The following DOCK8 variants were observed in gnomAD, a reference collection of about 807,000 sequenced individuals.
DOCK8 encodes the protein dedicator of cytokinesis 8, also known as dedicator of cytokinesis protein 8.
A neutral mutation model predicts 245.6 loss-of-function variants in DOCK8; 141 were observed. The observed-to-expected ratio is 0.57, with a 90% CI of 0.50 to 0.66. The LOEUF is 0.66. Among genes scored for constraint, DOCK8 ranks in the 30% least tolerant of loss-of-function variants. The probability of loss-of-function intolerance (pLI) is 0.00; values close to 1 mark genes in which losing one functional copy is unlikely to be tolerated. For missense variants in DOCK8, 2,965 were observed against 2,603.4 expected (o/e 1.14, Z -3.02); for synonymous variants, 1,168 against 970.2 (o/e 1.20, Z -3.79).
intron 23 of DOCK8, among the ~76,000 whole-genome samples, chr9:388,153 G>T (rs1368743143): frequency 1.3e-5 from 2 of 152,146 alleles, no homozygotes; most frequent in African/African-American, 4.8e-5. Context: ...GAAGCTGGGG[G>T]AGCATGTCTT....
chr9:434,947 A>G lies in DOCK8; in HGVS notation c.5051A>G (p.Tyr1684Cys). The change falls in exon 39 of 48, where the codon TAC becomes TGC. Residue 1684 changes from tyrosine to cysteine, a missense_variant. Transcript: ENST00000432829. ...CTGAGCATGCTGGAGGACCACAGCT[A>G]CCTGCCCGTGGGCAGTGTCAGCTTC... ...EYLSMLEDHS[Y>C]LPVGSVSFQN... 6.2e-7 allele frequency: 1 copy of G among 1,613,206 alleles called. No homozygotes were observed. The highest frequency in any genetic ancestry group is 8.5e-7 in the Non-Finnish European group (1 of 1,180,032).
At chr9:271,915 AG>A (rs988709691) in intron 2 of DOCK8, among the ~76,000 whole-genome samples, 186 bp downstream of exon 2, 12 of 152,260 alleles carry the variant, frequency 7.9e-5, no homozygotes, top group Middle Eastern at 3.4e-3. Flanking sequence ...ACCGGTACTT[AG>A]GGTACATAAT....
intron 2 of DOCK8, among the ~76,000 whole-genome samples, chr9:283,902 GA>G (rs1482482073): frequency 6.6e-6 from 1 of 152,122 alleles, no homozygotes; most frequent in Non-Finnish European, 1.5e-5. Context: ...GACATGATAT[GA>G]AAAATTCAAA....
intron 1 of DOCK8, among the ~76,000 whole-genome samples, chr9:245,706 C>T (rs10965932): frequency 0.062 from 9,496 of 152,228 alleles, 323 homozygotes; most frequent in African/African-American, 0.078. Context: ...AAAAAACTAA[C>T]ATGTTGAAGC....
chr9:264,083 T>G (rs1287411302), intron 1 of DOCK8, among the ~76,000 whole-genome samples: 1 of 152,240 alleles, frequency 6.6e-6, no homozygotes, highest in African/African-American at 2.4e-5. Flanking sequence ...TGTTACTTTA[T>G]GACTCAACAC....
intron 26 of DOCK8, among the ~76,000 whole-genome samples, chr9:400,776 CCACCACCTCCACCAT>C (rs2054937524): frequency 4.8e-5 from 6 of 125,210 alleles, no homozygotes; most frequent in Non-Finnish European, 8.6e-5. Context: ...TCCACCACCA[CCACCACCTCCACCAT>C]CACCACCACC....
chr9:424,960 A>G (rs2131674244), intron 33 of DOCK8, among the ~76,000 whole-genome samples: 1 of 152,350 alleles, frequency 6.6e-6, no homozygotes, highest in South Asian at 2.1e-4. Flanking sequence ...TCAAATTGAG[A>G]TAATAAATCA....
chr9:244,570 T>C (rs1587652129), intron 1 of DOCK8, among the ~76,000 whole-genome samples: 2 of 152,300 alleles, frequency 1.3e-5, no homozygotes, highest in East Asian at 3.9e-4. Flanking sequence ...TTCTGTAAAC[T>C]TCAAGAGGAT....
At chr9:357,705 CAGGGGTTACTA>C (rs913652968) in intron 14 of DOCK8, among the ~76,000 whole-genome samples, 7 of 152,144 alleles carry the variant, frequency 4.6e-5, no homozygotes, top group African/African-American at 1.7e-4. Context: ...CTGTGGAGGA[CAGGGGTTACTA>C]AGGGGCAAGC....
chr9:297,622 C>T (rs567435540), intron 4 of DOCK8, among the ~76,000 whole-genome samples: 13 of 152,260 alleles, frequency 8.5e-5, no homozygotes, highest in Middle Eastern at 3.4e-3. Context: ...TTGTAGCCAG[C>T]GGCAGTGAGC....
chr9:443,638 T>C (rs1363176821), intron 43 of DOCK8, 122 bp downstream of exon 43: 1 of 753,738 alleles, frequency 1.3e-6, no homozygotes, highest in African/African-American at 1.8e-5. Flanking sequence ...TCAAACCTTT[T>C]CGTCTAGAGT....
chr9:214,519 C>T (rs769915588), upstream of DOCK8: 6 of 1,613,196 alleles, frequency 3.7e-6, no homozygotes, highest in Non-Finnish European at 4.2e-6. Context: ...TTACGAATCC[C>T]TGGGGTGATT....
intron 1 of DOCK8, among the ~76,000 whole-genome samples, chr9:234,446 C>T (rs1158134274): frequency 1.3e-5 from 2 of 152,178 alleles, no homozygotes; most frequent in Non-Finnish European, 2.9e-5. Context: ...GTTGGCCTGC[C>T]TTGCTAGAAT....
intron 14 of DOCK8, among the ~76,000 whole-genome samples, chr9:341,217 T>C (rs1258930785): frequency 6.7e-6 from 1 of 149,202 alleles, no homozygotes; most frequent in Non-Finnish European, 1.5e-5. Flanking sequence ...AGTAACTGTA[T>C]GTGTCTACTA....
intron 4 of DOCK8, among the ~76,000 whole-genome samples, chr9:304,087 T>C (rs184086026): frequency 1.3e-5 from 2 of 152,354 alleles, no homozygotes; most frequent in Non-Finnish European, 1.5e-5. Flanking sequence ...AGAGTGGAGA[T>C]TGAGGATGTT....
At chr9:367,431 G>C (rs1026199661) in intron 14 of DOCK8, among the ~76,000 whole-genome samples, 2 of 152,156 alleles carry the variant, frequency 1.3e-5, no homozygotes, top group African/African-American at 2.4e-5. Flanking sequence ...ATATATGCAA[G>C]TTACCCAGGC....
chr9:414,125 C>T (rs1264341492), intron 28 of DOCK8, among the ~76,000 whole-genome samples: 1 of 133,760 alleles, frequency 7.5e-6, no homozygotes, highest in African/African-American at 2.9e-5. Flanking sequence ...CTGAACAACT[C>T]CATGTCAAAA....
chr9:360,917 T>C (rs1401637905), intron 14 of DOCK8, among the ~76,000 whole-genome samples: 2 of 152,112 alleles, frequency 1.3e-5, no homozygotes, highest in Non-Finnish European at 2.9e-5. Flanking sequence ...CCTAGCACTT[T>C]AGGAGGCCCA....
chr9:368,212 C>T (rs761341325), intron 15 of DOCK8, 77 bp downstream of exon 15: 72 of 1,201,744 alleles, frequency 6.0e-5, no homozygotes, highest in Non-Finnish European at 8.5e-5. Flanking sequence ...GTCCGGGACT[C>T]ATCAGTGTAC....
Sources: gnomAD v4.1 joint callset for allele counts (sites outside exome capture counted in the v4.1 genomes callset) on GRCh38, gnomAD v4.1.1 for gene constraint, MANE v1.5 for transcripts, NCBI Gene and HGNC (gene_info 2026-07-23, HGNC 2026-07-21) for gene names.